CMTM8: variants seen among roughly 807,000 people sequenced by gnomAD.
CMTM8 encodes CKLF like MARVEL transmembrane domain containing 8.
In CMTM8, 12 loss-of-function variants were observed where a neutral mutation model predicts 18.6. The ratio of observed to expected loss-of-function variants is 0.65; its 90% CI spans 0.41 to 1.05. CMTM8 has a LOEUF of 1.05. CMTM8 is among the 50% of genes least tolerant of loss of function. The probability of loss-of-function intolerance (pLI) is 0.00; values close to 1 mark genes in which losing one functional copy is unlikely to be tolerated. For synonymous variants in CMTM8, 87 were observed against 90.6 expected (o/e 0.96, Z 0.23); for missense variants, 217 against 227.2 (o/e 0.95, Z 0.29).
At chr3:32,333,833 A>G (rs1396852122) in intron 1 of CMTM8, among the ~76,000 whole-genome samples, 3 of 152,152 alleles carry the variant, frequency 2.0e-5, no homozygotes, top group Non-Finnish European at 4.4e-5. Flanking sequence ...GCCTACCACC[A>G]TGAGTGAACC....
intron 1 of CMTM8, among the ~76,000 whole-genome samples, chr3:32,296,735 A>T (rs901071884): frequency 1.3e-5 from 2 of 152,176 alleles, no homozygotes; most frequent in Non-Finnish European, 2.9e-5. Flanking sequence ...GTTGCATTAG[A>T]TGTTCCATCC....
intron 1 of CMTM8, among the ~76,000 whole-genome samples, chr3:32,323,064 C>G (rs543429731): frequency 3.3e-5 from 5 of 152,288 alleles, no homozygotes; most frequent in Non-Finnish European, 7.4e-5. Context: ...AGCCTAGCAG[C>G]TGGAGGACCA....
intron 1 of CMTM8, among the ~76,000 whole-genome samples, chr3:32,295,579 A>C (rs1276159104): frequency 6.6e-6 from 1 of 151,994 alleles, no homozygotes; most frequent in Admixed American, 6.6e-5. Context: ...ATTCAGTAGT[A>C]AGCATAGATC....
intron 1 of CMTM8, among the ~76,000 whole-genome samples, chr3:32,344,237 G>A (rs1696553176): frequency 6.6e-6 from 1 of 152,164 alleles, no homozygotes; most frequent in African/African-American, 2.4e-5. Flanking sequence ...CCAGAACAAT[G>A]CAAATCCCCT....
chr3:32,297,813 T>C (rs1451273518), intron 1 of CMTM8, among the ~76,000 whole-genome samples: 1 of 151,944 alleles, frequency 6.6e-6, no homozygotes, highest in African/African-American at 2.4e-5. Flanking sequence ...TACAGGTCTG[T>C]GGGTGGGAAA....
At chr3:32,298,098 T>C (rs1363813007) in intron 1 of CMTM8, among the ~76,000 whole-genome samples, 1 of 151,066 alleles carries the variant, frequency 6.6e-6, no homozygotes, top group Non-Finnish European at 1.5e-5. Context: ...GGGCAGTGGC[T>C]GGAGTCTCGT....
At chr3:32,308,309 A>G (rs12485470) in intron 1 of CMTM8, among the ~76,000 whole-genome samples, 24,232 of 152,240 alleles carry the variant, frequency 0.16, 2,025 homozygotes, top group South Asian at 0.27. Context: ...AGAAATAAAA[A>G]ATCAAGCTAC....
chr3:32,280,870 A>G (rs866235981), intron 1 of CMTM8, among the ~76,000 whole-genome samples: 24 of 144,172 alleles, frequency 1.7e-4, no homozygotes, highest in Middle Eastern at 3.6e-3. Context: ...AAAAAAAAAA[A>G]GTGACAATTA....
intron 1 of CMTM8, among the ~76,000 whole-genome samples, chr3:32,330,120 T>A (rs1696243759): frequency 6.7e-6 from 1 of 149,936 alleles, no homozygotes. Context: ...GAGTGGAAAA[T>A]GTAATATTGT....
intron 1 of CMTM8, among the ~76,000 whole-genome samples, chr3:32,294,688 C>A (rs1395262753): frequency 6.6e-6 from 1 of 152,232 alleles, no homozygotes. Flanking sequence ...GCAGATCCGT[C>A]TTCTTGTTTT....
At chr3:32,255,586 A>G (rs1702165486) in intron 1 of CMTM8, among the ~76,000 whole-genome samples, 1 of 152,176 alleles carries the variant, frequency 6.6e-6, no homozygotes, top group Admixed American at 6.5e-5. Context: ...TAATTATTTT[A>G]GAAAGGGTTT....
intron 1 of CMTM8, among the ~76,000 whole-genome samples, chr3:32,355,449 A>T (rs1696799082): frequency 6.6e-6 from 1 of 152,134 alleles, no homozygotes; most frequent in Non-Finnish European, 1.5e-5. Flanking sequence ...CCATTAAAGT[A>T]CCATCTGCTG....
chr3:32,308,463 C>T (rs1055877844), intron 1 of CMTM8, among the ~76,000 whole-genome samples: 2 of 152,194 alleles, frequency 1.3e-5, no homozygotes, highest in Admixed American at 1.3e-4. Flanking sequence ...CCCGCAGTTT[C>T]TTCTCCAGAA....
intron 1 of CMTM8, among the ~76,000 whole-genome samples, chr3:32,316,350 A>G (rs1283260262): frequency 2.0e-5 from 3 of 152,180 alleles, no homozygotes; most frequent in South Asian, 4.1e-4. Flanking sequence ...TACTTTCTCA[A>G]GTCCATTCAC....
At chr3:32,238,570 G>A (rs1191271584), upstream of CMTM8, 3 of 156,246 alleles carry the variant, frequency 1.9e-5, no homozygotes, top group African/African-American at 7.2e-5. Flanking sequence ...TCCGCCGCTG[G>A]GAGTCGGGCA....
At chr3:32,252,045 G>A (rs944752064) in intron 1 of CMTM8, among the ~76,000 whole-genome samples, 13 of 152,026 alleles carry the variant, frequency 8.6e-5, no homozygotes, top group Admixed American at 4.6e-4. Context: ...AGCCATGACC[G>A]TGCTGTCACT....
intron 2 of CMTM8, among the ~76,000 whole-genome samples, chr3:32,364,746 T>C (rs767955415): frequency 3.3e-5 from 5 of 152,148 alleles, no homozygotes; most frequent in Non-Finnish European, 7.4e-5. Context: ...TGCCTGAAAA[T>C]CTTGCCTTCT....
At chr3:32,369,862 T>G (rs1466481405) in intron 3 of CMTM8, 22 bp from the exon 4 acceptor site, 1 of 1,562,310 alleles carries the variant, frequency 6.4e-7, no homozygotes, top group East Asian at 2.3e-5. Flanking sequence ...ACCCCACTTC[T>G]ATTATGCTTT....
At chr3:32,291,231 C>G (rs1005700486) in intron 1 of CMTM8, among the ~76,000 whole-genome samples, 14 of 152,086 alleles carry the variant, frequency 9.2e-5, no homozygotes, top group African/African-American at 2.6e-4. Flanking sequence ...CGGGTTCACG[C>G]CATTCTCCTG....
Sources: gnomAD v4.1 joint callset for allele counts (sites outside exome capture counted in the v4.1 genomes callset) on GRCh38, gnomAD v4.1.1 for gene constraint, MANE v1.5 for transcripts, NCBI Gene and HGNC (gene_info 2026-07-23, HGNC 2026-07-21) for gene names.